Variants in SLC24A3 observed in about 807,000 individuals in gnomAD.
The protein encoded by SLC24A3 is sodium/potassium/calcium exchanger 3.
Under a neutral mutation model 75.8 loss-of-function variants are expected in SLC24A3, and 28 were observed. The ratio of observed to expected loss-of-function variants is 0.37; its 90% CI spans 0.27 to 0.51. SLC24A3 has a LOEUF of 0.51. SLC24A3 is among the 20% of genes least tolerant of loss of function. The pLI, the probability that SLC24A3 is intolerant of heterozygous loss-of-function variation, is 0.94. For missense variants in SLC24A3, 663 were observed against 847.8 expected (o/e 0.78, Z 2.71); for synonymous variants, 372 against 334.1 (o/e 1.11, Z -1.24).
intron 4 of SLC24A3, among the ~76,000 whole-genome samples, chr20:19,583,523 C>T (rs1429776235): frequency 6.6e-6 from 1 of 151,966 alleles, no homozygotes; most frequent in African/African-American, 2.4e-5. Flanking sequence ...TGAGATATTG[C>T]CAGGGCTGAA....
At position 19,234,167 on chromosome 20, in the gene SLC24A3, C is replaced by A. The variant is rs540674839; in HGVS notation, c.142+21183C>A. Among the ~76,000 whole-genome samples the A allele has an allele frequency of 3.3e-5, 5 of 152,324 alleles. No individual in the cohort carries two copies. In the South Asian group the frequency reaches 1.0e-3, roughly 32 times the overall value. On this transcript the variant is annotated intron_variant, in intron 1 of 16. Transcript: ENST00000328041. ...TCATAAATTTTGCTAATAGTATAAA[C>A]CCGTGTTTTTCAAAGTGAGAGCCTT...
chr20:19,520,346 T>C (rs1453043303), intron 3 of SLC24A3, among the ~76,000 whole-genome samples: 1 of 152,190 alleles, frequency 6.6e-6, no homozygotes, highest in Non-Finnish European at 1.5e-5. Context: ...ACTGAGCTGT[T>C]GGAGTTGCTG....
In SLC24A3 at chr20:19,578,299, T is replaced by A. The variant is rs191343926; in HGVS notation, c.349-1701T>A. 2.6e-5 allele frequency among the ~76,000 whole-genome samples: 4 copies of A among 152,100 alleles called. No homozygotes were observed. The East Asian group carries it at 7.7e-4, about 29-fold the overall frequency. Reference sequence around the variant, plus strand: ...GTGTGTGCATACATGCTTGCGTGTGTGTGCCTGTGGGTGTACTTTTCGTGT... The same window carrying A: ...GTGTGTGCATACATGCTTGCGTGTGAGTGCCTGTGGGTGTACTTTTCGTGT... On this transcript the variant is annotated intron_variant, in intron 3 of 16. Transcript: ENST00000328041.
At chr20:19,577,212 G>A (rs947201817) in intron 3 of SLC24A3, among the ~76,000 whole-genome samples, 3 of 151,892 alleles carry the variant, frequency 2.0e-5, no homozygotes, top group Admixed American at 6.6e-5. Context: ...CCACCACCAC[G>A]CGCAGCTAAT....
intron 1 of SLC24A3, chr20:19,266,103 C>G (rs1220980649): frequency 6.6e-6 from 1 of 152,162 alleles, no homozygotes; most frequent in Non-Finnish European, 1.5e-5. Context: ...TTAAATTTCC[C>G]AGTGGAGTTT....
intron 6 of SLC24A3, among the ~76,000 whole-genome samples, chr20:19,617,755 T>G (rs944502045): frequency 2.6e-5 from 4 of 152,184 alleles, no homozygotes; most frequent in African/African-American, 9.7e-5. Context: ...CCCATAAGTT[T>G]CTGCCTGTCA....
At chr20:19,484,889 T>C (rs1187167664) in intron 2 of SLC24A3, among the ~76,000 whole-genome samples, 2 of 152,200 alleles carry the variant, frequency 1.3e-5, no homozygotes, top group Non-Finnish European at 2.9e-5. Flanking sequence ...ACTTTAAAAA[T>C]AGGTGTGTAT....
intron 2 of SLC24A3, among the ~76,000 whole-genome samples, chr20:19,383,623 C>T (rs563356648): frequency 6.6e-6 from 1 of 152,222 alleles, no homozygotes; most frequent in Non-Finnish European, 1.5e-5. Flanking sequence ...TGTGATTTAT[C>T]TGTTCCACTT....
At chr20:19,594,573 G>T (rs2031426293) in intron 6 of SLC24A3, among the ~76,000 whole-genome samples, 1 of 152,216 alleles carries the variant, frequency 6.6e-6, no homozygotes, top group South Asian at 2.1e-4. Flanking sequence ...CCTACTATGT[G>T]CCAGGCACAG....
intron 3 of SLC24A3, among the ~76,000 whole-genome samples, chr20:19,515,846 C>T (rs1167309258): frequency 6.6e-6 from 1 of 152,246 alleles, no homozygotes; most frequent in Admixed American, 6.5e-5. Context: ...TAACCCTACT[C>T]TCTGCTCAAA....
At chr20:19,490,225 A>G (rs765492639) in intron 2 of SLC24A3, among the ~76,000 whole-genome samples, 146 of 152,324 alleles carry the variant, frequency 9.6e-4, no homozygotes, top group Admixed American at 2.5e-3. Context: ...TCTTGTGCCC[A>G]GGGGTAGCAT....
At chr20:19,414,675 A>AT (rs564946361) in intron 2 of SLC24A3, among the ~76,000 whole-genome samples, 4 of 152,106 alleles carry the variant, frequency 2.6e-5, no homozygotes, top group African/African-American at 9.7e-5. Context: ...CTTTTTAAAC[A>AT]TTTTTTTCTC....
chr20:19,474,476 A>G (rs1005058966), intron 2 of SLC24A3, among the ~76,000 whole-genome samples: 5 of 152,226 alleles, frequency 3.3e-5, no homozygotes, highest in African/African-American at 4.8e-5. Flanking sequence ...TCTCATGGGC[A>G]GTTAGGGGTT....
At chr20:19,423,092 G>A (rs975045293) in intron 2 of SLC24A3, among the ~76,000 whole-genome samples, 6 of 152,232 alleles carry the variant, frequency 3.9e-5, no homozygotes, top group Non-Finnish European at 8.8e-5. Flanking sequence ...CACCTGGCAT[G>A]CTCAGGGCAG....
chr20:19,258,359 G>C (rs535093145), intron 1 of SLC24A3, among the ~76,000 whole-genome samples: 75 of 152,332 alleles, frequency 4.9e-4, no homozygotes, highest in Admixed American at 1.8e-3. Context: ...AAACTTCTTT[G>C]GGTACTGGGC....
rs73605530 is a variant in SLC24A3, at chr20:19,628,046, T to A, written c.613-26016T>A. On this transcript the variant is annotated intron_variant, in intron 6 of 16. Coordinates refer to ENST00000328041, the MANE Select transcript of SLC24A3 (RefSeq NM_020689.4). ...CCCTGTCTCTGCTAAAAATAATTTT[T>A]AAAAAAAATTAGCCAGGCATGGTGG... Among the ~76,000 whole-genome samples the A allele has an allele frequency of 0.025, 3,696 of 149,922 alleles. 243 individuals are homozygous for A. The East Asian group carries it at 0.27, about 11-fold the overall frequency.
chr20:19,408,177 T>C (rs1278264130), intron 2 of SLC24A3, among the ~76,000 whole-genome samples: 2 of 152,320 alleles, frequency 1.3e-5, no homozygotes, highest in East Asian at 1.9e-4. Flanking sequence ...TGCCTGTTCA[T>C]TGGAGAAAAG....
intron 2 of SLC24A3, among the ~76,000 whole-genome samples, chr20:19,497,645 T>C (rs1013766008): frequency 1.3e-5 from 2 of 152,164 alleles, no homozygotes; most frequent in African/African-American, 4.8e-5. Context: ...AAGAGGCTGC[T>C]GTGGTGTAGA....
intron 2 of SLC24A3, among the ~76,000 whole-genome samples, chr20:19,380,527 G>C (rs1986163087): frequency 6.6e-6 from 1 of 152,156 alleles, no homozygotes; most frequent in Non-Finnish European, 1.5e-5. Flanking sequence ...GGACTGGAAG[G>C]GGGAAGATTC....
Sources: allele counts gnomAD v4.1 joint callset (sites outside exome capture counted in the v4.1 genomes callset), GRCh38; gene constraint gnomAD v4.1.1; transcripts MANE v1.5; gene names NCBI Gene and HGNC (gene_info 2026-07-23, HGNC 2026-07-21).